The following CCDC186 variants were observed in gnomAD, a reference collection of about 807,000 sequenced individuals.
The protein encoded by CCDC186 is coiled-coil domain-containing protein 186.
In CCDC186, 49 loss-of-function variants were observed where a neutral mutation model predicts 113.7. The ratio of observed to expected loss-of-function variants is 0.43; its 90% confidence interval spans 0.34 to 0.55. CCDC186 has a LOEUF of 0.55. CCDC186 is among the 20% of genes least tolerant of loss of function. The pLI is 0.02. For synonymous variants in CCDC186, 355 were observed against 345.8 expected, an observed-to-expected ratio of 1.03 and a Z score of -0.30; for missense variants, 890 against 1,011.1, an observed-to-expected ratio of 0.88 and a Z score of 1.62.
intron 1 of CCDC186, among the ~76,000 whole-genome samples, chr10:114,169,041 G>A (rs75819663): frequency 1.4e-3 from 212 of 152,138 alleles, no homozygotes; most frequent in African/African-American, 4.8e-3. Flanking sequence ...TTTATTCTTC[G>A]TGTTTTACTG....
At chr10:114,160,389 G>A (rs1411807608) in intron 2 of CCDC186, among the ~76,000 whole-genome samples, 6 of 152,150 alleles carry the variant, frequency 3.9e-5, no homozygotes, top group Non-Finnish European at 8.8e-5. Flanking sequence ...GAGGGAAAAG[G>A]GGAGATATTG....
At chr10:114,165,317 C>G (rs964274628) in intron 1 of CCDC186, among the ~76,000 whole-genome samples, 3 of 152,174 alleles carry the variant, frequency 2.0e-5, no homozygotes, top group Admixed American at 1.3e-4. Context: ...ACTCTGTATT[C>G]CAAAATCTAG....
chr10:114,156,905 C>A (rs2032026816), intron 3 of CCDC186, among the ~76,000 whole-genome samples: 1 of 152,098 alleles, frequency 6.6e-6, no homozygotes, highest in African/African-American at 2.4e-5. Context: ...CAGACATAAA[C>A]TTTTATATTT....
chr10:114,142,109 T>G lies in CCDC186; in HGVS notation c.1221+2388A>C, dbSNP rs560718660. 5.9e-5 allele frequency among the ~76,000 whole-genome samples: 9 copies of G among 152,328 alleles called. No homozygotes were observed. In the South Asian group the frequency reaches 1.9e-3, roughly 32 times the overall value. On this transcript the variant is annotated intron_variant, in intron 6 of 15. Coordinates refer to ENST00000369287, the MANE Select transcript of CCDC186 (RefSeq NM_018017.4). ...ATAAGAAGCCCATTCTGGCTTCTAATGACTGGGCCTTCTGAGTAAACAAAC... is the reference window on the plus strand; with the variant it reads ...ATAAGAAGCCCATTCTGGCTTCTAAGGACTGGGCCTTCTGAGTAAACAAAC...
In CCDC186 at chr10:114,129,877, C is replaced by T. The variant is rs1158209701; in HGVS notation, c.2182+14G>A. ...TCAATCATGAAATAACAACTAGAGCCACTAGTTTTTTACCTGATGAACTAG... is the reference window on the plus strand; with the variant it reads ...TCAATCATGAAATAACAACTAGAGCTACTAGTTTTTTACCTGATGAACTAG... On this transcript the variant is annotated intron_variant, in intron 13 of 15. Transcript: ENST00000369287. The T allele has an allele frequency of 1.9e-6, 3 of 1,610,836 alleles. No homozygotes were observed. The South Asian group carries it at 3.3e-5, about 18-fold the overall frequency.
In CCDC186 at chr10:114,121,870, T is replaced by A. The variant is rs1397697273; in HGVS notation, c.*3273A>T. ...ACCCAGGCTGGAGTATAGAGTACAG[T>A]GGCAATCATAGCTCACTGCAAGCTT... On this transcript the variant is annotated 3_prime_UTR_variant, in exon 16 of 16. Coordinates refer to ENST00000369287, the MANE Select transcript of CCDC186 (RefSeq NM_018017.4). The A allele has an allele frequency of 6.6e-6, 1 of 152,128 alleles. No individual in the cohort carries two copies. Among genetic ancestry groups the A allele is most frequent in the African/African-American group, 2.4e-5 (1 of 41,382 alleles). The allele number at this position is 152,128 out of a possible 1,614,324, so 9.4% of individuals were successfully genotyped here. A position where few individuals can be genotyped will look rare whatever the true frequency, so the allele number is the denominator to read the frequency against.
intron 10 of CCDC186, among the ~76,000 whole-genome samples, chr10:114,133,135 A>T (rs886910070): frequency 2.6e-5 from 4 of 152,216 alleles, no homozygotes; most frequent in Non-Finnish European, 5.9e-5. Flanking sequence ...TAAGCAGAAA[A>T]AATACAAACT....
At chr10:114,159,165 C>G (rs1027120916) in intron 2 of CCDC186, among the ~76,000 whole-genome samples, 6 of 152,110 alleles carry the variant, frequency 3.9e-5, no homozygotes, top group African/African-American at 1.4e-4. Flanking sequence ...CAAATATATG[C>G]ATGTTTATTC....
At chr10:114,145,790 T>C (rs1378609951) in intron 4 of CCDC186, 29 bp from the exon 5 acceptor site, 1 of 1,531,612 alleles carries the variant, frequency 6.5e-7, no homozygotes. Context: ...TTAGCATTAA[T>C]GAAAAATAAT....
At chr10:114,147,110 A>G (rs1230598232) in intron 4 of CCDC186, among the ~76,000 whole-genome samples, 1 of 152,230 alleles carries the variant, frequency 6.6e-6, no homozygotes, top group Non-Finnish European at 1.5e-5. Context: ...CAACAGAATT[A>G]GATTTTTAGA....
intron 14 of CCDC186, 94 bp downstream of exon 14, chr10:114,127,367 T>C (rs780128334): frequency 5.4e-4 from 604 of 1,114,648 alleles, no homozygotes; most frequent in Non-Finnish European, 7.2e-4. Flanking sequence ...TTTTGAAAGA[T>C]AGGTTCTTGA....
chr10:114,167,257 G>A (rs957863478), intron 1 of CCDC186, among the ~76,000 whole-genome samples: 1 of 152,008 alleles, frequency 6.6e-6, no homozygotes, highest in African/African-American at 2.4e-5. Flanking sequence ...TGGACCTCGT[G>A]ATCCACCCGC....
At position 114,127,446 on chromosome 10, in the gene CCDC186, C is replaced by T. The variant is rs199729026; in HGVS notation, c.2393+15G>A. ...GTATTTTGAAGACCGATCATGCTACCGTAATAATACATACTTTGTTTTTTT... is the reference window on the plus strand; with the variant it reads ...GTATTTTGAAGACCGATCATGCTACTGTAATAATACATACTTTGTTTTTTT... On this transcript the variant is annotated intron_variant, in intron 14 of 15. Coordinates refer to ENST00000369287, the MANE Select transcript of CCDC186 (RefSeq NM_018017.4). 32 of 1,609,174 alleles carry T rather than the reference C, an allele frequency of 2.0e-5. No individual in the cohort carries two copies. Among genetic ancestry groups the T allele is most frequent in the Non-Finnish European group, 2.5e-5 (29 of 1,176,636 alleles).
Position 114,131,186 on chromosome 10 carries a change from C to T in CCDC186, c.2062G>A (p.Ala688Thr), listed in dbSNP as rs771113442. The T allele has an allele frequency of 4.4e-6, 7 of 1,583,658 alleles. No homozygotes were observed. Among genetic ancestry groups the T allele is most frequent in the Non-Finnish European group, 6.0e-6 (7 of 1,166,892 alleles). Residue 688 changes from alanine to threonine, a missense_variant, in exon 12 of 16, where the codon GCC (alanine) becomes ACC (threonine). Transcript: ENST00000369287. ...TTGGTGAGATCCTTGATACTAGAGGCATGTTTACGTCTCTGAGTTACTAAC... is the reference window on the plus strand; with the variant it reads ...TTGGTGAGATCCTTGATACTAGAGGTATGTTTACGTCTCTGAGTTACTAAC... ...DELVTQRRKH[A>T]SSIKDLTKQL...
At chr10:114,134,631 G>A (rs1218750058) in intron 10 of CCDC186, among the ~76,000 whole-genome samples, 1 of 152,166 alleles carries the variant, frequency 6.6e-6, no homozygotes, top group Non-Finnish European at 1.5e-5. Context: ...CTGTGCATAA[G>A]TAACAGAATT....
At chr10:114,134,093 T>C (rs562808591) in intron 10 of CCDC186, among the ~76,000 whole-genome samples, 1 of 152,318 alleles carries the variant, frequency 6.6e-6, no homozygotes, top group South Asian at 2.1e-4. Context: ...AGATTGTTTC[T>C]TCCATGATAA....
chr10:114,143,373 A>T (rs1345983888), intron 6 of CCDC186, among the ~76,000 whole-genome samples: 3 of 152,202 alleles, frequency 2.0e-5, no homozygotes, highest in Non-Finnish European at 4.4e-5. Context: ...TGATGTTCTG[A>T]TCTTGAAGCA....
At chr10:114,160,884 T>C (rs1223071426) in intron 2 of CCDC186, among the ~76,000 whole-genome samples, 1 of 152,220 alleles carries the variant, frequency 6.6e-6, no homozygotes, top group Non-Finnish European at 1.5e-5. Flanking sequence ...AAATTAACCT[T>C]GATTTAAAAT....
At chr10:114,158,334 G>C (rs2032070115) in intron 2 of CCDC186, among the ~76,000 whole-genome samples, 1 of 152,108 alleles carries the variant, frequency 6.6e-6, no homozygotes, top group Non-Finnish European at 1.5e-5. Flanking sequence ...TAGAAAAACA[G>C]AAATAAAGTC....
Sources: gnomAD v4.1 joint callset for allele counts (sites outside exome capture counted in the v4.1 genomes callset) on GRCh38, gnomAD v4.1.1 for gene constraint, MANE v1.5 for transcripts, NCBI Gene and HGNC (gene_info 2026-07-23, HGNC 2026-07-21) for gene names.